Variants in ARR3 observed in about 807,000 individuals in gnomAD.
ARR3 encodes arrestin 3.
In ARR3, 14 loss-of-function variants were observed where a neutral mutation model predicts 35.4. That is an observed-to-expected ratio of 0.40 (90% confidence interval 0.26 to 0.62). The LOEUF is 0.62. ARR3 is among the 20% of genes least tolerant of loss of function. The pLI is 0.46. For missense variants in ARR3, 259 were observed against 303.8 expected, an observed-to-expected ratio of 0.85 and a Z score of 1.10; for synonymous variants, 97 against 119.1, an observed-to-expected ratio of 0.81 and a Z score of 1.21.
At chrX:70,280,653 G>T (rs1386375408) in intron 14 of ARR3, 71 bp downstream of exon 14, 1 of 1,190,914 alleles carries the variant, frequency 8.4e-7, no homozygotes, top group Non-Finnish European at 1.1e-6. Context: ...GCAAAATAAT[G>T]ATTGATTCTG....
chrX:70,278,153 G>C lies in ARR3; in HGVS notation c.767+15G>C. 2 of 1,204,363 alleles carry C rather than the reference G, an allele frequency of 1.7e-6. No individual in the cohort carries two copies. Among genetic ancestry groups the C allele is most frequent in the Non-Finnish European group, 2.2e-6 (2 of 890,404 alleles). On this transcript the variant is annotated intron_variant, in intron 11 of 16. Coordinates refer to ENST00000307959, the MANE Select transcript of ARR3 (RefSeq NM_004312.3). ...CAGGAATTCACGTGAGCTGGTGCTG[G>C]GGCTAGGACCAGAGAGCCAAGGGGT...
chrX:70,273,346 T>C (rs1293070389), intron 5 of ARR3, among the ~76,000 whole-genome samples: 1 of 106,290 alleles, frequency 9.4e-6, no homozygotes, highest in Non-Finnish European at 1.9e-5. Context: ...CTCAGCCTCC[T>C]GAGTAGCTAG....
At chrX:70,281,001 TTG>T in intron 15 of ARR3, 96 bp from the exon 16 acceptor site, 1 of 608,342 alleles carries the variant, frequency 1.6e-6, no homozygotes, top group African/African-American at 4.7e-5. Flanking sequence ...GATTGGGAAG[TTG>T]GGGGGGGGGG....
intron 8 of ARR3, 135 bp from the exon 9 acceptor site, chrX:70,277,259 G>A: frequency 1.2e-6 from 1 of 851,911 alleles, no homozygotes; most frequent in African/African-American, 2.0e-5. Context: ...TACATTAAGG[G>A]ACTAGAGGAG....
rs143092777 is a variant in ARR3 at position 70,277,417 on chromosome X, G to A, written c.497G>A (p.Arg166Gln). 2.3e-5 allele frequency: 28 copies of A among 1,209,491 alleles called. No individual in the cohort carries two copies. The highest frequency in any genetic ancestry group is 1.5e-4 in the Admixed American group (7 of 45,696). ...AGAGACTATGTGCGGCTGGTTGTCCGGAAAGTACAATTTGCACCACCGGAG... is the reference window on the plus strand; with the variant it reads ...AGAGACTATGTGCGGCTGGTTGTCCAGAAAGTACAATTTGCACCACCGGAG... Reference protein sequence around the residue: ...SKRDYVRLVVRKVQFAPPEAG... With the variant: ...SKRDYVRLVVQKVQFAPPEAG... The change falls in exon 9 of 17, where the codon CGG becomes CAG. Residue 166 changes from arginine to glutamine, a missense_variant. Coordinates refer to ENST00000307959, the MANE Select transcript of ARR3 (RefSeq NM_004312.3).
chrX:70,269,638 C>T lies in ARR3; in HGVS notation c.9-24C>T, dbSNP rs748602483. On this transcript the variant is annotated intron_variant, in intron 2 of 16. Coordinates refer to ENST00000307959, the MANE Select transcript of ARR3 (RefSeq NM_004312.3). ...TGCACTTCCAATCCCCCTCTCCATC[C>T]TCTTTCTGGTTTTCTCCTCATAGGG... 5.8e-6 allele frequency: 7 copies of T among 1,202,962 alleles called. No homozygotes were observed. In the Admixed American group the frequency reaches 1.5e-4, roughly 26 times the overall value.
In ARR3 at chrX:70,269,685, A is replaced by G. The variant is rs1389413708; in HGVS notation, c.32A>G (p.Asn11Ser). Residue 11 changes from asparagine to serine, a missense_variant, in exon 3 of 17, where the codon AAT becomes AGT. By Grantham distance (46) the Asn-to-Ser change is conservative (BLOSUM62 1). Coordinates refer to ENST00000307959, the MANE Select transcript of ARR3 (RefSeq NM_004312.3). ...AGGGTGTTTAAGAAGACCAGCTCCA[A>G]TGGGAAGGTGAGAGAACCTGGCCCA... MSKVFKKTSS[N>S]GKLSIYLGKR... is the part of the protein sequence containing the mutation. The G allele has an allele frequency of 5.8e-6, 7 of 1,205,887 alleles. No homozygotes were observed. Among genetic ancestry groups the G allele is most frequent in the Non-Finnish European group, 7.8e-6 (7 of 892,163 alleles).
chrX:70,274,464 GAGCTGGGATTAC>G (rs2085643978), intron 5 of ARR3, among the ~76,000 whole-genome samples: 1 of 112,201 alleles, frequency 8.9e-6, no homozygotes, highest in South Asian at 3.7e-4. Context: ...GCCTCCCAAA[GAGCTGGGATTAC>G]AGGCGTGAGC....
chrX:70,281,768 C>G lies in ARR3; in HGVS notation c.*2C>G. On this transcript the variant is annotated 3_prime_UTR_variant, in exon 17 of 17. Coordinates refer to ENST00000307959, the MANE Select transcript of ARR3 (RefSeq NM_004312.3). ...GCTGAGGGAGATGAGGGGAGCTGAG[C>G]ACCTCGCTCTGGTGCCCGTCTGTGT... The G allele has an allele frequency of 2.6e-6, 3 of 1,167,555 alleles. No individual in the cohort carries two copies. The highest frequency in any genetic ancestry group is 2.3e-6 in the Non-Finnish European group (2 of 871,432).
intron 10 of ARR3, 26 bp downstream of exon 10, chrX:70,277,826 C>T (rs776409876): frequency 8.6e-7 from 1 of 1,161,080 alleles, no homozygotes; most frequent in South Asian, 1.9e-5. Flanking sequence ...CATCCCTGTG[C>T]ACCTGGTCCC....
chrX:70,277,854 C>T, intron 10 of ARR3, 54 bp downstream of exon 10: 3 of 1,085,164 alleles, frequency 2.8e-6, no homozygotes, highest in Non-Finnish European at 3.8e-6. Context: ...CAGGTCTTTT[C>T]CCAAAATTCT....
chrX:70,276,844 C>A, intron 8 of ARR3, 108 bp downstream of exon 8: 3 of 688,505 alleles, frequency 4.4e-6, no homozygotes, highest in African/African-American at 2.1e-5. Context: ...AGCCTCATCG[C>A]CACCAGTGAC....
chrX:70,274,677 G>A (rs770524279), intron 5 of ARR3, among the ~76,000 whole-genome samples: 15 of 112,473 alleles, frequency 1.3e-4, no homozygotes, highest in African/African-American at 3.9e-4. Context: ...GTCTGATGAC[G>A]GCTGCTCTCT....
intron 11 of ARR3, 67 bp downstream of exon 11, chrX:70,278,205 C>A: frequency 1.0e-6 from 1 of 999,575 alleles, no homozygotes; most frequent in Non-Finnish European, 1.4e-6. Context: ...GTCCAGGAGG[C>A]AGTTGAGGGG....
intron 5 of ARR3, among the ~76,000 whole-genome samples, chrX:70,271,372 T>C (rs895133818): frequency 1.8e-5 from 2 of 112,384 alleles, no homozygotes; most frequent in Non-Finnish European, 3.8e-5. Context: ...TTTTTCAATA[T>C]GGTTTGTTAC....
chrX:70,268,487 T>C (rs1161277791), intron 1 of ARR3, 115 bp downstream of exon 1: 3 of 111,602 alleles, frequency 2.7e-5, no homozygotes. Flanking sequence ...TGACATAGCC[T>C]ATAGACATTC....
chrX:70,272,522 G>C (rs1269749206), intron 5 of ARR3, among the ~76,000 whole-genome samples: 1 of 111,938 alleles, frequency 8.9e-6, no homozygotes, highest in Non-Finnish European at 1.9e-5. Context: ...AAGTTGCCTA[G>C]TACTATATCA....
intron 10 of ARR3, 126 bp downstream of exon 10, chrX:70,277,926 A>G (rs2085660878): frequency 2.0e-5 from 17 of 869,057 alleles, no homozygotes; most frequent in Admixed American, 5.3e-5. Flanking sequence ...GTCAAAATGC[A>G]TATCTTGTTT....
chrX:70,273,004 T>C (rs17301749), intron 5 of ARR3, among the ~76,000 whole-genome samples: 7,681 of 110,974 alleles, frequency 0.069, 246 homozygotes, highest in Non-Finnish European at 0.099. Context: ...TGTCACCCTG[T>C]ACTTGGACAG....
Sources: gnomAD v4.1 joint callset for allele counts (sites outside exome capture counted in the v4.1 genomes callset) on GRCh38, gnomAD v4.1.1 for gene constraint, MANE v1.5 for transcripts, NCBI Gene and HGNC (gene_info 2026-07-23, HGNC 2026-07-21) for gene names.